KAT6B: variants seen among roughly 807,000 people sequenced by gnomAD.
The protein encoded by KAT6B is histone acetyltransferase KAT6B.
In KAT6B, 10 loss-of-function variants were observed where a neutral mutation model predicts 187.5. The observed-to-expected ratio is 0.05, with a 90% CI of 0.03 to 0.09. KAT6B has a LOEUF of 0.09. KAT6B is among the 10% of genes least tolerant of loss of function. KAT6B has a pLI of 1.00. For missense variants in KAT6B, 1,952 were observed against 2,558.9 expected, an observed-to-expected ratio of 0.76 and a Z score of 5.12; for synonymous variants, 861 against 926.8, an observed-to-expected ratio of 0.93 and a Z score of 1.29.
In KAT6B at chr10:74,850,031, C is replaced by T. The variant is rs557621806; in HGVS notation, c.621+6553C>T. Among the ~76,000 whole-genome samples, 44 of 151,998 alleles carry T rather than the reference C, an allele frequency of 2.9e-4. No individual in the cohort carries two copies. The South Asian group carries it at 6.0e-3, about 21-fold the overall frequency. ...TCGCCTCACTGCAAGCTCCGCCTTC[C>T]GGGTTCACGCCATTCTCCTGCCTCA... On this transcript the variant is annotated intron_variant, in intron 3 of 17. Coordinates refer to ENST00000287239, the MANE Select transcript of KAT6B (RefSeq NM_012330.4).
intron 1 of KAT6B, among the ~76,000 whole-genome samples, chr10:74,829,272 G>A (rs1422586536): frequency 6.6e-6 from 1 of 152,162 alleles, no homozygotes; most frequent in African/African-American, 2.4e-5. Flanking sequence ...ATGAGTATTA[G>A]AAAGTAGATG....
At chr10:74,869,857 C>G (rs1843791147) in intron 3 of KAT6B, among the ~76,000 whole-genome samples, 1 of 152,208 alleles carries the variant, frequency 6.6e-6, no homozygotes, top group Non-Finnish European at 1.5e-5. Flanking sequence ...TCTGTTACCT[C>G]ATCTGTCAGA....
chr10:74,976,946 G>T (rs1384322872), intron 8 of KAT6B: 3 of 279,120 alleles, frequency 1.1e-5, no homozygotes, highest in Non-Finnish European at 2.1e-5. Flanking sequence ...CCGAAACTGT[G>T]TCATTTGGAC....
At chr10:74,986,831 T>C (rs1842835008) in intron 12 of KAT6B, among the ~76,000 whole-genome samples, 1 of 152,208 alleles carries the variant, frequency 6.6e-6, no homozygotes, top group Non-Finnish European at 1.5e-5. Flanking sequence ...GTTTCTTTCA[T>C]TGTCTGTGGA....
chr10:74,910,143 A>AAG (rs1847086990), intron 3 of KAT6B, among the ~76,000 whole-genome samples: 1 of 139,180 alleles, frequency 7.2e-6, no homozygotes, highest in East Asian at 2.0e-4. Context: ...AAAAAAAAAA[A>AAG]AAATATTAGC....
Position 75,030,338 on chromosome 10 carries a change from T to C in KAT6B, c.5514T>C (p.Ala1838=). ...IDHSLPYSHS[A]AVTSYANSAS... Reference sequence around the variant, plus strand: ...ATTCATTGCCTTACAGCCATTCCGCTGCTGTGACTTCCTATGCAAACAGTG... The same window carrying C: ...ATTCATTGCCTTACAGCCATTCCGCCGCTGTGACTTCCTATGCAAACAGTG... The change falls in exon 18 of 18, where the codon GCT becomes GCC. Residue 1838 remains alanine, a synonymous_variant. Coordinates refer to ENST00000287239, the MANE Select transcript of KAT6B (RefSeq NM_012330.4). This position sits in a 1 kb window ranked among gnomAD's most constrained non-coding sequence, Gnocchi z 4.8. 1 of 1,614,264 alleles carries C rather than the reference T, an allele frequency of 6.2e-7. No homozygotes were observed. The highest frequency in any genetic ancestry group is 8.5e-7 in the Non-Finnish European group (1 of 1,180,054).
intron 1 of KAT6B, among the ~76,000 whole-genome samples, chr10:74,829,577 C>T (rs754853770): frequency 2.6e-5 from 4 of 151,866 alleles, no homozygotes; most frequent in African/African-American, 9.7e-5. Flanking sequence ...CTCAGCTTCC[C>T]GGGTAGCTAG....
intron 11 of KAT6B, 143 bp from the exon 12 acceptor site, chr10:74,984,937 A>G: frequency 1.3e-6 from 1 of 757,698 alleles, no homozygotes; most frequent in Non-Finnish European, 2.2e-6. Flanking sequence ...TTAAAGCTGT[A>G]CTTGCTTAAT....
chr10:74,830,731 C>CTCAT (rs1840696550), intron 1 of KAT6B, among the ~76,000 whole-genome samples: 1 of 17,202 alleles, frequency 5.8e-5, no homozygotes. Context: ...CACAGCTCTT[C>CTCAT]ATATATATAT....
At chr10:74,993,909 A>T (rs570710823) in intron 13 of KAT6B, among the ~76,000 whole-genome samples, 23 of 152,166 alleles carry the variant, frequency 1.5e-4, no homozygotes, top group Non-Finnish European at 3.2e-4. Context: ...ATGATAATAC[A>T]TTTGTCTCAT....
rs41314998 is a variant in KAT6B at position 74,843,232 on chromosome 10, C to T, written c.375C>T (p.Ser125=). ...GACTTGAGGAGCCGAATGGCTCCTC[C>T]CTGAAGAACATAGAGAAGTATCTCA... ...IEGLEEPNGS[S]LKNIEKYLRS... Residue 125 remains serine (S), a synonymous_variant, in exon 3 of 18, where the codon TCC becomes TCT. Coordinates refer to ENST00000287239, the MANE Select transcript of KAT6B (RefSeq NM_012330.4). The T allele has an allele frequency of 4.1e-3, 6,547 of 1,614,206 alleles. 24 individuals are homozygous for T. Among genetic ancestry groups the T allele is most frequent in the Non-Finnish European group, 5.2e-3 (6,181 of 1,180,042 alleles).
intron 13 of KAT6B, among the ~76,000 whole-genome samples, chr10:74,994,328 G>A (rs1843286723): frequency 6.6e-6 from 1 of 152,058 alleles, no homozygotes; most frequent in African/African-American, 2.4e-5. Context: ...GTTTCAAGTG[G>A]GTTCTTGTGC....
At chr10:74,856,310 C>T (rs73284071) in intron 3 of KAT6B, among the ~76,000 whole-genome samples, 39,911 of 151,982 alleles carry the variant, frequency 0.26, 8,439 homozygotes, top group African/African-American at 0.56. Context: ...TGGTCTTGAA[C>T]TCCTGACATC....
chr10:74,857,788 G>A (rs1053498858), intron 3 of KAT6B, among the ~76,000 whole-genome samples: 2 of 152,212 alleles, frequency 1.3e-5, no homozygotes, highest in South Asian at 4.1e-4. Flanking sequence ...GGGAGGCCAA[G>A]GCAGGTGGAT....
intron 13 of KAT6B, among the ~76,000 whole-genome samples, chr10:74,993,326 T>A (rs1014095448): frequency 6.6e-6 from 1 of 152,198 alleles, no homozygotes; most frequent in Non-Finnish European, 1.5e-5. Flanking sequence ...ATACCAAAAT[T>A]TCCCGTACAT....
chr10:75,019,856 G>A (rs1845258928), intron 13 of KAT6B, among the ~76,000 whole-genome samples: 1 of 151,876 alleles, frequency 6.6e-6, no homozygotes, highest in South Asian at 2.1e-4. Context: ...TAAGATGCTG[G>A]GGGATTTTCT....
chr10:74,990,153 C>T (rs1843038184), intron 13 of KAT6B, among the ~76,000 whole-genome samples: 1 of 135,400 alleles, frequency 7.4e-6, no homozygotes, highest in Admixed American at 8.2e-5. Flanking sequence ...CGAGATGGTG[C>T]CACTGCACTC....
At chr10:74,913,082 T>A (rs1159103748) in intron 3 of KAT6B, among the ~76,000 whole-genome samples, 1 of 152,210 alleles carries the variant, frequency 6.6e-6, no homozygotes, top group Admixed American at 6.5e-5. Flanking sequence ...GAAAGGGGTA[T>A]GAGTAGTTGG....
intron 3 of KAT6B, among the ~76,000 whole-genome samples, chr10:74,870,288 G>T (rs907021832): frequency 6.6e-6 from 1 of 152,038 alleles, no homozygotes; most frequent in Non-Finnish European, 1.5e-5. Context: ...ACAAGACTCT[G>T]TCTCAAAAGA....
Sources: gnomAD v4.1 joint callset for allele counts (sites outside exome capture counted in the v4.1 genomes callset) on GRCh38, gnomAD v4.1.1 for gene constraint, Gnocchi (gnomAD v3.1) non-coding constraint, MANE v1.5 for transcripts, NCBI Gene and HGNC (gene_info 2026-07-23, HGNC 2026-07-21) for gene names.